The following CHL1 variants were observed in gnomAD, a reference collection of about 807,000 sequenced individuals.
The protein encoded by CHL1 is neural cell adhesion molecule L1-like protein.
In CHL1, 96 loss-of-function variants were observed where a neutral mutation model predicts 141.9. That is an observed-to-expected ratio of 0.68 (90% CI 0.57 to 0.80). The LOEUF is 0.80. CHL1 is among the 30% of genes least tolerant of loss of function. The pLI, the probability that CHL1 is intolerant of heterozygous loss-of-function variation, is 0.00. For synonymous variants in CHL1, 613 were observed against 502.2 expected, an observed-to-expected ratio of 1.22 and a Z score of -2.95; for missense variants, 1,820 against 1,457.2, an observed-to-expected ratio of 1.25 and a Z score of -4.05.
chr3:207,150 TG>T (rs1385298150), intron 1 of CHL1, among the ~76,000 whole-genome samples: 1 of 152,262 alleles, frequency 6.6e-6, no homozygotes, highest in African/African-American at 2.4e-5. Flanking sequence ...TTGAGTTTTT[TG>T]TTTGGGATAT....
Position 399,081 on chromosome 3 carries a change from T to C in CHL1, c.3318T>C (p.Ile1106=). The C allele has an allele frequency of 6.2e-7, 1 of 1,602,760 alleles. No homozygotes were observed. Among genetic ancestry groups the C allele is most frequent in the Non-Finnish European group, 8.5e-7 (1 of 1,169,618 alleles). The change falls in exon 26 of 28, where the codon ATT becomes ATC. Residue 1106 remains isoleucine, a synonymous_variant. Coordinates refer to ENST00000256509, the MANE Select transcript of CHL1 (RefSeq NM_006614.4). ...QGWFIGLMCA[I]ALLTLLLLTV... ...GGTTTATTGGACTGATGTGTGCGATTGCTCTTCTCACACTACTATTATTAA... is the reference window on the plus strand; with the variant it reads ...GGTTTATTGGACTGATGTGTGCGATCGCTCTTCTCACACTACTATTATTAA...
chr3:236,978 A>C (rs4684333), intron 1 of CHL1, among the ~76,000 whole-genome samples: 77,114 of 152,014 alleles, frequency 0.51, 21,225 homozygotes, highest in Non-Finnish European at 0.62. Flanking sequence ...GAAACACGTC[A>C]TTAATAGGGA....
At chr3:391,990 G>A (rs761527737) in intron 23 of CHL1, among the ~76,000 whole-genome samples, 193 bp downstream of exon 23, 1 of 152,154 alleles carries the variant, frequency 6.6e-6, no homozygotes, top group African/African-American at 2.4e-5. Context: ...TAGGAATAAA[G>A]TTTTATGACG....
At chr3:231,437 T>G (rs1458756750) in intron 1 of CHL1, among the ~76,000 whole-genome samples, 1 of 152,166 alleles carries the variant, frequency 6.6e-6, no homozygotes, top group Non-Finnish European at 1.5e-5. Context: ...TAGCCCATAG[T>G]TGAACTAAGT....
rs142081617 is a variant in CHL1, at chr3:334,393, A to G, written c.385+6039A>G. ...TATCATTATAATGTAGTATTAAAAC[A>G]TTTCCATCACCACAAAAAGATTTCT... is the stretch of plus-strand genomic sequence containing the variant. On this transcript the variant is annotated intron_variant, in intron 5 of 27. Transcript: ENST00000256509. Among the ~76,000 whole-genome samples the G allele has an allele frequency of 1.2e-3, 182 of 152,176 alleles. 1 individual carries two copies. The highest frequency in any genetic ancestry group is 4.0e-3 in the African/African-American group (168 of 41,540).
intron 10 of CHL1, among the ~76,000 whole-genome samples, chr3:352,747 A>G (rs1703374596): frequency 6.6e-6 from 1 of 152,170 alleles, no homozygotes; most frequent in Admixed American, 6.5e-5. Context: ...AAGCAATTAT[A>G]AAGAAAGCTT....
intron 19 of CHL1, among the ~76,000 whole-genome samples, chr3:388,623 G>A (rs1186084410): frequency 6.6e-6 from 1 of 152,098 alleles, no homozygotes; most frequent in African/African-American, 2.4e-5. Flanking sequence ...AATAAAGTGG[G>A]TAAGGGTGAC....
intron 2 of CHL1, among the ~76,000 whole-genome samples, chr3:276,825 G>C (rs1251337007): frequency 6.7e-6 from 1 of 149,888 alleles, no homozygotes; most frequent in Non-Finnish European, 1.5e-5. Flanking sequence ...GAAGTCGGAG[G>C]TTGCAGAGAG....
At chr3:358,395 T>G (rs1451092902) in intron 11 of CHL1, among the ~76,000 whole-genome samples, 1 of 152,152 alleles carries the variant, frequency 6.6e-6, no homozygotes, top group Non-Finnish European at 1.5e-5. Context: ...CCCACTTGGG[T>G]CATCCAGATG....
At chr3:304,296 G>A (rs432453) in intron 2 of CHL1, among the ~76,000 whole-genome samples, 2,174 of 152,248 alleles carry the variant, frequency 0.014, 55 homozygotes, top group African/African-American at 0.05. Context: ...CTGTTGTTTG[G>A]AATAGTTTCA....
intron 2 of CHL1, among the ~76,000 whole-genome samples, chr3:309,901 G>A (rs1157833368): frequency 1.3e-5 from 2 of 152,002 alleles, no homozygotes; most frequent in African/African-American, 2.4e-5. Context: ...AAAAAATTCT[G>A]AATTTATTGT....
intron 14 of CHL1, 95 bp downstream of exon 14, chr3:363,478 A>T: frequency 8.6e-7 from 1 of 1,159,348 alleles, no homozygotes; most frequent in Non-Finnish European, 1.2e-6. Flanking sequence ...AAGTTGGAGT[A>T]CCAGATAAAG....
At chr3:286,774 T>C (rs1001855659) in intron 2 of CHL1, among the ~76,000 whole-genome samples, 24 of 152,286 alleles carry the variant, frequency 1.6e-4, no homozygotes, top group African/African-American at 5.3e-4. Flanking sequence ...AGGAAAGCGG[T>C]AGGCAATTCC....
At chr3:335,539 CTG>C (rs1701795722) in intron 5 of CHL1, among the ~76,000 whole-genome samples, 1 of 152,184 alleles carries the variant, frequency 6.6e-6, no homozygotes, top group African/African-American at 2.4e-5. Context: ...TGATGGCAGA[CTG>C]TGAGCAATTC....
chr3:392,571 C>T (rs545891784), intron 23 of CHL1, among the ~76,000 whole-genome samples: 1 of 152,242 alleles, frequency 6.6e-6, no homozygotes, highest in South Asian at 2.1e-4. Flanking sequence ...CGGGGATTGA[C>T]ATTATAGAAA....
chr3:244,974 G>A (rs979199515), intron 2 of CHL1, among the ~76,000 whole-genome samples: 1 of 151,968 alleles, frequency 6.6e-6, no homozygotes. Flanking sequence ...TTTGAAAGTG[G>A]CATATTTATA....
Position 326,002 on chromosome 3 carries a change from T to G in CHL1, c.135T>G (p.Val45=). Residue 45 remains valine (V), a synonymous_variant, in exon 4 of 28, where the codon GTT becomes GTG. Transcript: ENST00000256509. The part of the protein sequence containing the change: ...PTIIKQSKVQ[V]AFPFDEYFQI... ...TCATAAAACAGTCAAAAGTCCAAGT[T>G]GCCTTTCCCTTCGATGAGTATTTTC... 6.2e-7 allele frequency: 1 copy of G among 1,612,044 alleles called. No homozygotes were observed. Among genetic ancestry groups the G allele is most frequent in the Non-Finnish European group, 8.5e-7 (1 of 1,178,734 alleles).
At position 328,332 on chromosome 3, in the gene CHL1, A is replaced by T; in HGVS notation, c.363A>T (p.Glu121Asp). The change falls in exon 5 of 28, where the codon GAA (glutamate) becomes GAT (aspartate). Residue 121 changes from glutamate (E) to aspartate (D), a missense_variant. Glu to Asp is a conservative substitution (Grantham distance 45). Transcript: ENST00000256509. ...ATAAACTGGGAATCGCTATGTCAGA[A>T]GAAATAGAATTTATAGTTCCAAGTA... ...ASNKLGIAMSEEIEFIVPSVP... is the reference protein window; with the variant it reads ...ASNKLGIAMSDEIEFIVPSVP... 6.2e-7 allele frequency: 1 copy of T among 1,611,550 alleles called. No homozygotes were observed. The highest frequency in any genetic ancestry group is 8.5e-7 in the Non-Finnish European group (1 of 1,178,722).
intron 1 of CHL1, among the ~76,000 whole-genome samples, chr3:233,301 A>G (rs1300939651): frequency 2.6e-5 from 4 of 152,020 alleles, no homozygotes; most frequent in African/African-American, 9.7e-5. Flanking sequence ...AATTTCATGT[A>G]TCTTCTTGAC....
Sources: allele counts gnomAD v4.1 joint callset (sites outside exome capture counted in the v4.1 genomes callset), GRCh38; gene constraint gnomAD v4.1.1; transcripts MANE v1.5; gene names NCBI Gene and HGNC (gene_info 2026-07-23, HGNC 2026-07-21).